The following TMEM253 variants were observed in gnomAD, a reference collection of about 807,000 sequenced individuals.
TMEM253 encodes the protein transmembrane protein 253, also known as transmembrane protein C14orf176.
Under a neutral mutation model 20.3 loss-of-function variants are expected in TMEM253, and 22 were observed. The ratio of observed to expected loss-of-function variants is 1.08; its 90% confidence interval spans 0.78 to 1.55. The LOEUF (loss-of-function observed/expected upper bound fraction) is 1.55. Among genes scored for constraint, TMEM253 ranks in the 40% most tolerant of loss-of-function variants. TMEM253 has a pLI of 0.00. For synonymous variants in TMEM253, 92 were observed against 102.6 expected, an observed-to-expected ratio of 0.90 and a Z score of 0.62; for missense variants, 251 against 266.1, an observed-to-expected ratio of 0.94 and a Z score of 0.39.
At chr14:21,101,804 G>A (rs563115494) in intron 2 of TMEM253, 61 bp from the exon 3 acceptor site, 8 of 1,359,666 alleles carry the variant, frequency 5.9e-6, no homozygotes, top group Admixed American at 2.0e-5. Context: ...AGAGGTAGGA[G>A]TTACGAGAAG....
At chr14:21,099,224 A>G (rs1000157852), upstream of TMEM253, 5 of 156,268 alleles carry the variant, frequency 3.2e-5, no homozygotes, top group Admixed American at 3.2e-4. Flanking sequence ...AGATTTAGTC[A>G]ATATTTACTG....
chr14:21,099,006 G>A (rs528390137), upstream of TMEM253: 69 of 383,154 alleles, frequency 1.8e-4, 1 homozygote, highest in South Asian at 1.8e-3. Flanking sequence ...GGTCCTTTCC[G>A]TTCTTGATAA....
At chr14:21,101,559 A>G in intron 2 of TMEM253, 108 bp downstream of exon 2, 1 of 1,057,502 alleles carries the variant, frequency 9.5e-7, no homozygotes, top group Non-Finnish European at 1.4e-6. Context: ...TGTGCCAGAA[A>G]CTGAGCTAGG....
chr14:21,101,158 C>T, exon 1 of TMEM253: 3 of 530,220 alleles, frequency 5.7e-6, no homozygotes, highest in Admixed American at 3.2e-5. Flanking sequence ...TGGGTCCCAT[C>T]CCTTTGGAGT....
chr14:21,101,315 A>C, exon 2 of TMEM253: 1 of 1,548,302 alleles, frequency 6.5e-7, no homozygotes. Flanking sequence ...CAGCCTAGGA[A>C]GCACCTAATT....
In TMEM253 at chr14:21,101,668, TA is replaced by T. The variant is rs1434553240; in HGVS notation, c.109-195del. On this transcript the variant is annotated intron_variant, in intron 2 of 6. Coordinates refer to ENST00000556585, the Ensembl canonical transcript of TMEM253. The stretch of plus-strand genomic sequence containing the variant: ...CATCTTGTGGGGGAAAACATACAGG[TA>T]AGTAACTAAACTACAATATGAGGCA... The T allele has an allele frequency of 6.2e-6, 4 of 641,750 alleles. No homozygotes were observed. The African/African-American group carries it at 7.3e-5, about 12-fold the overall frequency. 39.8% of individuals were successfully genotyped at this position (641,750 alleles called of 1,614,324 possible). A position where few individuals can be genotyped will look rare whatever the true frequency, so the allele number is the denominator to read the frequency against.
At chr14:21,098,927 G>A (rs1413973410), upstream of TMEM253, 12 of 1,132,784 alleles carry the variant, frequency 1.1e-5, no homozygotes, top group East Asian at 2.7e-4. Flanking sequence ...TCTTTTGGGG[G>A]AGGAGGAGGG....
At chr14:21,103,719 G>A (rs541391230) in exon 7 of TMEM253, 1 of 155,956 alleles carries the variant, frequency 6.4e-6, no homozygotes, top group East Asian at 1.9e-4. Flanking sequence ...CCTTCTCTCC[G>A]CGGTAGGGGC....
intron 5 of TMEM253, 26 bp from the exon 6 acceptor site, chr14:21,102,607 G>A (rs1889716668): frequency 1.3e-6 from 2 of 1,551,112 alleles, no homozygotes; most frequent in Non-Finnish European, 1.7e-6. Flanking sequence ...CGGGGTCCCT[G>A]CATTCTCAGC....
rs746479973 is a variant in TMEM253 at position 21,102,060 on chromosome 14, TCAG to T, written c.220-3_220-1del. On this transcript the variant is annotated splice_acceptor_variant and splice_polypyrimidine_tract_variant and intron_variant, in intron 3 of 6. Transcript: ENST00000556585. LOFTEE classifies it high-confidence loss of function. The stretch of plus-strand genomic sequence containing the variant: ...GCTCAACACTTGCCCTTCTCACCAT[TCAG>T]GGTCTCCTCACTGGGACTGTCACTC... The T allele has an allele frequency of 6.4e-7, 1 of 1,551,322 alleles. No homozygotes were observed. The highest frequency in any genetic ancestry group is 1.2e-5 in the South Asian group (1 of 84,018).
chr14:21,101,986 C>G lies in TMEM253; in HGVS notation c.219+11C>G. 1.3e-6 allele frequency: 2 copies of G among 1,551,328 alleles called. No homozygotes were observed. Among genetic ancestry groups the G allele is most frequent in the Non-Finnish European group, 1.7e-6 (2 of 1,146,694 alleles). ...GGGCCTGGAGCCTCAGTAAGACCCA[C>G]CACAAGGGAGGGTGGAAGGTCCCAG... On this transcript the variant is annotated intron_variant, in intron 3 of 6. Coordinates refer to ENST00000556585, the Ensembl canonical transcript of TMEM253.
chr14:21,103,342 G>C, exon 7 of TMEM253: 1 of 1,479,636 alleles, frequency 6.8e-7, no homozygotes, highest in African/African-American at 1.4e-5. Context: ...TAGGAAGTCC[G>C]GGAGTGCCTT....
rs1445863004 is a variant in TMEM253, at chr14:21,102,740, CT to C, written c.496del (p.Cys166AlafsTer78). 2 of 1,551,172 alleles carry C rather than the reference CT, an allele frequency of 1.3e-6. No homozygotes were observed. Among genetic ancestry groups the C allele is most frequent in the East Asian group, 4.9e-5 (2 of 40,914 alleles). ...TGCTGAGCCAGAGGAAACCAGGATG[CT>C]GCAGGAGCCAGAGTCTGCACTATCA... On this transcript the variant is annotated frameshift_variant, in exon 6 of 7. Transcript: ENST00000556585. LOFTEE classifies it low-confidence loss of function (END_TRUNC).
chr14:21,101,922 C>G (rs955436929), exon 3 of TMEM253: 2 of 1,551,536 alleles, frequency 1.3e-6, no homozygotes, highest in Non-Finnish European at 8.7e-7. Context: ...AGTCGCCTGC[C>G]TGAACTCTGA....
chr14:21,101,776 C>T (rs1889647571), intron 2 of TMEM253, 89 bp from the exon 3 acceptor site: 1 of 1,048,314 alleles, frequency 9.5e-7, no homozygotes, highest in Admixed American at 2.4e-5. Flanking sequence ...GCATTCAATC[C>T]CATTTCCTGA....
chr14:21,101,429 G>C, exon 2 of TMEM253: 1 of 1,551,616 alleles, frequency 6.4e-7, no homozygotes, highest in South Asian at 1.2e-5. Context: ...CACAGGCAGA[G>C]TGGGCACCTC....
exon 2 of TMEM253, chr14:21,101,310 T>G (rs1318927025): frequency 1.9e-6 from 3 of 1,547,064 alleles, no homozygotes; most frequent in Admixed American, 3.9e-5. Flanking sequence ...TTTCCCAGCC[T>G]AGGAAGCACC....
exon 7 of TMEM253, chr14:21,103,366 A>T: frequency 6.9e-7 from 1 of 1,449,308 alleles, no homozygotes; most frequent in Non-Finnish European, 9.1e-7. Flanking sequence ...TTTTCACTCA[A>T]AGCAGGCCCT....
At chr14:21,101,759 C>T (rs1260681842) in intron 2 of TMEM253, 106 bp from the exon 3 acceptor site, 4 of 888,994 alleles carry the variant, frequency 4.5e-6, no homozygotes, top group African/African-American at 1.7e-5. Flanking sequence ...CTGCTTTCCT[C>T]CACCCTGCAT....
Sources: allele counts gnomAD v4.1 joint callset, GRCh38; gene constraint gnomAD v4.1.1; transcripts MANE v1.5; gene names NCBI Gene and HGNC (gene_info 2026-07-23, HGNC 2026-07-21).